The following COL4A3 variants were observed in gnomAD, a reference collection of about 807,000 sequenced individuals.
COL4A3 encodes collagen alpha-3(IV) chain.
A neutral mutation model predicts 217.4 loss-of-function variants in COL4A3; 135 were observed. The observed-to-expected ratio is 0.62, with a 90% CI of 0.54 to 0.72. COL4A3 has a LOEUF of 0.72. Among genes scored for constraint, COL4A3 ranks in the 30% least tolerant of loss-of-function variants. The pLI, the probability that COL4A3 is intolerant of heterozygous loss-of-function variation, is 0.00. For synonymous variants in COL4A3, 690 were observed against 736.3 expected (o/e 0.94, Z 1.02); for missense variants, 1,868 against 2,119.9 (o/e 0.88, Z 2.33).
intron 1 of COL4A3, among the ~76,000 whole-genome samples, chr2:227,195,628 T>G (rs942298551): frequency 6.8e-6 from 1 of 147,716 alleles, no homozygotes; most frequent in African/African-American, 2.7e-5. Context: ...AATATACTTT[T>G]TATTATTATT....
chr2:227,256,750 A>G (rs1235913076), intron 17 of COL4A3, among the ~76,000 whole-genome samples: 1 of 152,248 alleles, frequency 6.6e-6, no homozygotes, highest in Non-Finnish European at 1.5e-5. Flanking sequence ...AATCTGAGTC[A>G]TGATACATTG....
intron 1 of COL4A3, among the ~76,000 whole-genome samples, chr2:227,226,011 C>A (rs532011319): frequency 8.8e-4 from 134 of 152,220 alleles, no homozygotes; most frequent in Non-Finnish European, 1.7e-3. Flanking sequence ...CATGCCCAGC[C>A]AGGAACATAT....
At position 227,164,768 on chromosome 2, in the gene COL4A3, G is replaced by GCCGCTCCTGCTGGTGCTCCTGCTA; in HGVS notation, c.63_64insCTACCGCTCCTGCTGGTGCTCCTG (p.Leu14_Leu21dup). The GCCGCTCCTGCTGGTGCTCCTGCTA allele has an allele frequency of 6.6e-7, 1 of 1,522,974 alleles. No individual in the cohort carries two copies. Among genetic ancestry groups the GCCGCTCCTGCTGGTGCTCCTGCTA allele is most frequent in the Non-Finnish European group, 8.8e-7 (1 of 1,142,592 alleles). 94.3% of individuals were successfully genotyped at this position (1,522,974 alleles called of 1,614,324 possible). On this transcript the variant is annotated inframe_insertion, in exon 1 of 52. Coordinates refer to ENST00000396578, the MANE Select transcript of COL4A3 (RefSeq NM_000091.5). This position sits in a 1 kb window ranked among gnomAD's most constrained non-coding sequence, Gnocchi z 4.8. ...CCCCCAGGCCGCAGGTGCTCCTGCTGCCGCTCCTGCTGGTGCTCCTGGCGG... is the reference window on the plus strand; with the variant it reads ...CCCCCAGGCCGCAGGTGCTCCTGCTGCCGCTCCTGCTGGTGCTCCTGCTACCGCTCCTGCTGGTGCTCCTGGCGG...
In COL4A3 at chr2:227,289,855, A is replaced by G. The variant is rs1316008825; in HGVS notation, c.2981-144A>G. On this transcript the variant is annotated intron_variant, in intron 35 of 51. Coordinates refer to ENST00000396578, the MANE Select transcript of COL4A3 (RefSeq NM_000091.5). ...AGGTCCCTAGTTCCCTCTTATTTGA[A>G]GGAAAAAGGACAGCTAGACAAGTGC... The G allele has an allele frequency of 6.8e-6, 5 of 739,280 alleles. No homozygotes were observed. In the African/African-American group the frequency reaches 8.7e-5, roughly 13 times the overall value. 45.8% of individuals were successfully genotyped at this position (739,280 alleles called of 1,614,324 possible).
At chr2:227,206,812 A>C (rs2067119310) in intron 1 of COL4A3, among the ~76,000 whole-genome samples, 1 of 152,236 alleles carries the variant, frequency 6.6e-6, no homozygotes. Context: ...TACATGTCTT[A>C]GCTAAGCCTC....
rs376058988 is a variant in COL4A3, at chr2:227,254,731, C to T, written c.888+16C>T. 2.6e-5 allele frequency: 41 copies of T among 1,599,250 alleles called. No individual in the cohort carries two copies. The highest frequency in any genetic ancestry group is 5.0e-5 in the Admixed American group (3 of 59,970). On this transcript the variant is annotated intron_variant, in intron 15 of 51. Coordinates refer to ENST00000396578, the MANE Select transcript of COL4A3 (RefSeq NM_000091.5). ...TGGCCTGCAGGTAAATTTGGAAATTCGGTGTCATGTGCAGTTTTGATTAGT... is the reference window on the plus strand; with the variant it reads ...TGGCCTGCAGGTAAATTTGGAAATTTGGTGTCATGTGCAGTTTTGATTAGT...
chr2:227,279,077 A>G (rs2106141496), intron 28 of COL4A3, among the ~76,000 whole-genome samples: 1 of 104,220 alleles, frequency 9.6e-6, no homozygotes, highest in African/African-American at 3.3e-5. Flanking sequence ...AACGTTCTAT[A>G]TCTTTTTTTT....
Position 227,282,373 on chromosome 2 carries a change from G to A in COL4A3, c.2497G>A (p.Gly833Ser), listed in dbSNP as rs2072039168. ...CATTTATTCGTACACAGGCAGAAGA[G>A]GTAAAACGGGGCCAAAGGGAGACCC... ...NGLKGQQGRR[G>S]KTGPKGDPGI... is the part of the protein sequence containing the mutation. Residue 833 changes from glycine (G) to serine (S), a missense_variant, in exon 32 of 52, where the codon GGT becomes AGT. Around this residue, in one of 2 missense-constraint regions of COL4A3, gnomAD observed 1,503 missense variants for 1,786.1 expected, o/e 0.84. Transcript: ENST00000396578. This position sits in a 1 kb window ranked among gnomAD's most constrained non-coding sequence, Gnocchi z 4.4. The A allele has an allele frequency of 6.2e-7, 1 of 1,612,040 alleles. No homozygotes were observed. The highest frequency in any genetic ancestry group is 8.5e-7 in the Non-Finnish European group (1 of 1,179,438).
chr2:227,213,191 T>C (rs1371818705), intron 1 of COL4A3, among the ~76,000 whole-genome samples: 2 of 152,300 alleles, frequency 1.3e-5, no homozygotes, highest in East Asian at 1.9e-4. Flanking sequence ...AAGCGTAGGC[T>C]GAAACATAAA....
chr2:227,263,239 TG>T (rs2070699713), intron 20 of COL4A3, among the ~76,000 whole-genome samples: 1 of 152,246 alleles, frequency 6.6e-6, no homozygotes, highest in African/African-American at 2.4e-5. Flanking sequence ...TTAAACTGTT[TG>T]TGGGACAGAG....
intron 23 of COL4A3, among the ~76,000 whole-genome samples, chr2:227,267,321 G>A (rs1255854321): frequency 6.6e-6 from 1 of 152,202 alleles, no homozygotes; most frequent in Admixed American, 6.5e-5. Context: ...GTGTTAGGCA[G>A]GAATTGTGAA....
intron 43 of COL4A3, among the ~76,000 whole-genome samples, chr2:227,300,053 CT>C (rs549078491): frequency 8.1e-4 from 123 of 152,306 alleles, no homozygotes; most frequent in African/African-American, 2.9e-3. Context: ...ATACTTGGTT[CT>C]TTCAAATTCA....
intron 37 of COL4A3, among the ~76,000 whole-genome samples, chr2:227,291,580 CA>C (rs1212189875): frequency 1.6e-4 from 5 of 31,640 alleles, no homozygotes; most frequent in Admixed American, 3.8e-4. Context: ...AAAAAAAAAA[CA>C]AAAAAAAAAA....
chr2:227,263,738 A>G (rs1270835651), intron 20 of COL4A3, 42 bp from the exon 21 acceptor site: 2 of 1,574,080 alleles, frequency 1.3e-6, no homozygotes, highest in Admixed American at 1.8e-5. Context: ...CGTATTAATC[A>G]GGAAAAAATG....
At chr2:227,181,221 C>A (rs557371982) in intron 1 of COL4A3, among the ~76,000 whole-genome samples, 1 of 152,290 alleles carries the variant, frequency 6.6e-6, no homozygotes, top group Admixed American at 6.5e-5. Flanking sequence ...AACTCTTTGA[C>A]ATGTATCTAA....
chr2:227,285,170 G>A (rs2072234275), intron 34 of COL4A3, among the ~76,000 whole-genome samples: 1 of 147,328 alleles, frequency 6.8e-6, no homozygotes, highest in Non-Finnish European at 1.5e-5. Flanking sequence ...ACCATGTTAA[G>A]TTTTGAGATA....
chr2:227,290,525 A>T (rs2072627603), intron 36 of COL4A3, among the ~76,000 whole-genome samples: 1 of 152,194 alleles, frequency 6.6e-6, no homozygotes, highest in Non-Finnish European at 1.5e-5. Context: ...CAACAAAAAA[A>T]ACAGATTTCC....
At chr2:227,183,428 C>A (rs1177933843) in intron 1 of COL4A3, among the ~76,000 whole-genome samples, 4 of 152,066 alleles carry the variant, frequency 2.6e-5, no homozygotes, top group Non-Finnish European at 2.9e-5. Context: ...GCAGTGCAGA[C>A]CAGAACCAGA....
chr2:227,211,297 C>T (rs762153136), intron 1 of COL4A3, among the ~76,000 whole-genome samples: 1 of 152,196 alleles, frequency 6.6e-6, no homozygotes, highest in Non-Finnish European at 1.5e-5. Context: ...CTGCACGCGG[C>T]CCCATAAAGC....
Sources: gnomAD v4.1 joint callset for allele counts (sites outside exome capture counted in the v4.1 genomes callset) on GRCh38, gnomAD v4.1.1 for gene constraint, gnomAD v4.1.1 regional missense constraint, Gnocchi (gnomAD v3.1) non-coding constraint, MANE v1.5 for transcripts, NCBI Gene and HGNC (gene_info 2026-07-23, HGNC 2026-07-21) for gene names.